The following CHRDL2 variants were observed in gnomAD, a reference collection of about 807,000 sequenced individuals.
CHRDL2 encodes chordin like 2.
Under a neutral mutation model 54.3 loss-of-function variants are expected in CHRDL2, and 41 were observed. The ratio of observed to expected loss-of-function variants is 0.76; its 90% CI spans 0.59 to 0.98. The LOEUF is 0.98. Ranked by LOEUF, CHRDL2 falls within the 50% of genes least tolerant of loss-of-function variation. The pLI is 0.00. For synonymous variants in CHRDL2, 220 were observed against 224.3 expected (o/e 0.98, Z 0.17); for missense variants, 518 against 562.4 (o/e 0.92, Z 0.80).
chr11:74,724,988 C>A (rs1412733039), intron 1 of CHRDL2, among the ~76,000 whole-genome samples: 2 of 151,220 alleles, frequency 1.3e-5, no homozygotes, highest in Admixed American at 6.6e-5. Context: ...GTCCTGGAAG[C>A]TTCTTTCATT....
Position 74,708,291 on chromosome 11 carries a change from G to C in CHRDL2, c.526+11C>G. The C allele has an allele frequency of 6.4e-7, 1 of 1,554,622 alleles. No homozygotes were observed. The highest frequency in any genetic ancestry group is 8.7e-7 in the Non-Finnish European group (1 of 1,153,688). On this transcript the variant is annotated intron_variant, in intron 5 of 10. Coordinates refer to ENST00000376332, the MANE Select transcript of CHRDL2 (RefSeq NM_001278473.3). ...GTGGGTGAGTGCTGCCAGATGGAGGGACAGACTCACCTTTGCAGGCCTGGC... is the reference window on the plus strand; with the variant it reads ...GTGGGTGAGTGCTGCCAGATGGAGGCACAGACTCACCTTTGCAGGCCTGGC...
At chr11:74,704,133 G>A (rs2033923911) in intron 7 of CHRDL2, among the ~76,000 whole-genome samples, 1 of 152,152 alleles carries the variant, frequency 6.6e-6, no homozygotes, top group African/African-American at 2.4e-5. Flanking sequence ...TAGTCTATGA[G>A]CCCCTCAAGG....
chr11:74,726,387 A>G (rs539488491), intron 1 of CHRDL2, among the ~76,000 whole-genome samples: 1 of 152,294 alleles, frequency 6.6e-6, no homozygotes, highest in South Asian at 2.1e-4. Context: ...GAATGCTTAC[A>G]GGGACACCCA....
intron 9 of CHRDL2, chr11:74,699,676 C>CAACT (rs1189739616): frequency 2.0e-5 from 3 of 152,270 alleles, no homozygotes; most frequent in Non-Finnish European, 4.4e-5. Context: ...AACCCTAAGC[C>CAACT]AACTATCTGG....
intron 9 of CHRDL2, among the ~76,000 whole-genome samples, chr11:74,702,117 G>C (rs772654234): frequency 6.6e-6 from 1 of 152,030 alleles, no homozygotes; most frequent in Non-Finnish European, 1.5e-5. Flanking sequence ...TTAGCTGGGC[G>C]TGGTGGCTCA....
At chr11:74,697,407 C>G in intron 9 of CHRDL2, 110 bp from the exon 10 acceptor site, 1 of 720,034 alleles carries the variant, frequency 1.4e-6, no homozygotes, top group Non-Finnish European at 2.5e-6. Context: ...CTCCCCCACC[C>G]CATTCTGATC....
intron 6 of CHRDL2, 119 bp from the exon 7 acceptor site, chr11:74,704,773 G>T: frequency 2.1e-6 from 2 of 964,366 alleles, no homozygotes; most frequent in Non-Finnish European, 3.2e-6. Flanking sequence ...TGACTTCCCA[G>T]AGAAGAGAAG....
chr11:74,729,704 G>T (rs551476018), intron 1 of CHRDL2, among the ~76,000 whole-genome samples: 49 of 152,310 alleles, frequency 3.2e-4, no homozygotes, highest in African/African-American at 1.1e-3. Context: ...ACTAGGAGTT[G>T]GGAACGCAGG....
rs2034259754 is a variant in CHRDL2 at position 74,713,481 on chromosome 11, T to C, written c.196-2A>G. On this transcript the variant is annotated splice_acceptor_variant, in intron 2 of 10. Transcript: ENST00000376332. LOFTEE classifies it high-confidence loss of function. The stretch of plus-strand genomic sequence containing the variant: ...GCGGTAACAACTCACATGGGCGCCC[T>C]GAAGGGGACACAAGGGTCAGCCCTG... The C allele has an allele frequency of 1.2e-6, 2 of 1,613,626 alleles. No individual in the cohort carries two copies. The highest frequency in any genetic ancestry group is 8.5e-7 in the Non-Finnish European group (1 of 1,179,556).
chr11:74,702,295 T>C (rs1008937287), intron 9 of CHRDL2, among the ~76,000 whole-genome samples: 7 of 151,426 alleles, frequency 4.6e-5, no homozygotes, highest in Admixed American at 6.6e-5. Context: ...TGACCTTCAG[T>C]TGGTGATAGC....
At position 74,723,725 on chromosome 11, in the gene CHRDL2, C is replaced by T. The variant is rs189898548; in HGVS notation, c.83-4893G>A. Reference sequence around the variant, plus strand: ...ATTAACGGGCGGGGAGCATCTACAGCGTGGGCACACTGGACAAAGGGGTGA... The same window carrying T: ...ATTAACGGGCGGGGAGCATCTACAGTGTGGGCACACTGGACAAAGGGGTGA... On this transcript the variant is annotated intron_variant, in intron 1 of 10. Transcript: ENST00000376332. Among the ~76,000 whole-genome samples the T allele has an allele frequency of 3.9e-5, 6 of 152,234 alleles. No individual in the cohort carries two copies. The East Asian group carries it at 5.8e-4, about 15-fold the overall frequency.
At chr11:74,709,895 C>T (rs143825909) in intron 4 of CHRDL2, among the ~76,000 whole-genome samples, 12 of 152,260 alleles carry the variant, frequency 7.9e-5, no homozygotes, top group Non-Finnish European at 1.6e-4. Context: ...TGCCAATTCA[C>T]GGATGAGTTG....
intron 6 of CHRDL2, among the ~76,000 whole-genome samples, chr11:74,705,466 G>A (rs1451613993): frequency 1.3e-5 from 2 of 152,222 alleles, no homozygotes; most frequent in African/African-American, 4.8e-5. Flanking sequence ...CAGAGCCTGA[G>A]CTCACAAGAG....
At position 74,706,437 on chromosome 11, in the gene CHRDL2, T is replaced by C. The variant is rs555934389; in HGVS notation, c.582+50A>G. 149 of 1,588,102 alleles carry C rather than the reference T, an allele frequency of 9.4e-5. 3 individuals are homozygous for C. In the South Asian group the frequency reaches 1.5e-3, roughly 16 times the overall value. On this transcript the variant is annotated intron_variant, in intron 6 of 10. Coordinates refer to ENST00000376332, the MANE Select transcript of CHRDL2 (RefSeq NM_001278473.3). The stretch of plus-strand genomic sequence containing the variant: ...CCCCAGAGTCACGAGATTTAGGCCC[T>C]GGATCCCAGCCCCCTGTCCCGCACC...
rs760762037 is a variant in CHRDL2, at chr11:74,710,939, G to C, written c.342C>G (p.Asn114Lys). 1 of 1,614,146 alleles carries C rather than the reference G, an allele frequency of 6.2e-7. No individual in the cohort carries two copies. The highest frequency in any genetic ancestry group is 2.2e-5 in the East Asian group (1 of 44,882). Residue 114 changes from asparagine to lysine, a missense_variant, in exon 4 of 11, where the codon AAC (asparagine) becomes AAG (lysine). Transcript: ENST00000376332. ...TCTCTCCGTGTTGGTACATGGTCCC[G>C]TTGTGCTGGCAGGACTTTGGTGGGG... ...LRAPPKSCQH[N>K]GTMYQHGEIF...
chr11:74,704,660 A>G lies in CHRDL2; in HGVS notation c.583-6T>C. 1.2e-6 allele frequency: 2 copies of G among 1,604,440 alleles called. No homozygotes were observed. The highest frequency in any genetic ancestry group is 1.7e-4 in the Middle Eastern group (1 of 6,036). On this transcript the variant is annotated splice_polypyrimidine_tract_variant and splice_region_variant and intron_variant, in intron 6 of 10. Transcript: ENST00000376332. ...CATGGATCCTGAGGATGTCTCTGCA[A>G]ATGGCAGGAAGGATGAAAGTCACTG... is the stretch of plus-strand genomic sequence containing the variant.
In CHRDL2 at chr11:74,697,189, C is replaced by T; in HGVS notation, c.1213+16G>A. 6.2e-7 allele frequency: 1 copy of T among 1,606,852 alleles called. No homozygotes were observed. The highest frequency in any genetic ancestry group is 8.5e-7 in the Non-Finnish European group (1 of 1,174,334). On this transcript the variant is annotated intron_variant, in intron 10 of 10. Transcript: ENST00000376332. Reference sequence around the variant, plus strand: ...TTCTTCCTGCCCCGGCCCCATTCCTCAGCCCAAGCTCCTACCTTCGTGGGG... The same window carrying T: ...TTCTTCCTGCCCCGGCCCCATTCCTTAGCCCAAGCTCCTACCTTCGTGGGG...
At chr11:74,725,055 G>A (rs1411893953) in intron 1 of CHRDL2, among the ~76,000 whole-genome samples, 6 of 151,660 alleles carry the variant, frequency 4.0e-5, no homozygotes, top group East Asian at 1.9e-4. Flanking sequence ...GTGCAGTGGC[G>A]CAATCTCTGC....
intron 8 of CHRDL2, 81 bp downstream of exon 8, chr11:74,703,224 C>G: frequency 6.8e-7 from 1 of 1,475,274 alleles, no homozygotes; most frequent in Non-Finnish European, 9.1e-7. Context: ...CTGAGATGCT[C>G]CAAGTGTCTG....
Sources: allele counts gnomAD v4.1 joint callset (sites outside exome capture counted in the v4.1 genomes callset), GRCh38; gene constraint gnomAD v4.1.1; transcripts MANE v1.5; gene names NCBI Gene and HGNC (gene_info 2026-07-23, HGNC 2026-07-21).